Variants in PTPRD observed in about 807,000 individuals in gnomAD.
PTPRD encodes the protein receptor-type tyrosine-protein phosphatase delta.
In PTPRD, 34 loss-of-function variants were observed where a neutral mutation model predicts 214.5. That is an observed-to-expected ratio of 0.16 (90% CI 0.12 to 0.21). PTPRD has a LOEUF of 0.21. Ranked by LOEUF, PTPRD falls within the 10% of genes least tolerant of loss-of-function variation. The pLI is 1.00. For synonymous variants in PTPRD, 1,128 were observed against 845.7 expected (o/e 1.33, Z -5.79); for missense variants, 2,545 against 2,398.7 (o/e 1.06, Z -1.27).
intron 10 of PTPRD, among the ~76,000 whole-genome samples, chr9:9,123,892 T>C (rs1265952358): frequency 6.6e-6 from 1 of 152,076 alleles, no homozygotes; most frequent in Non-Finnish European, 1.5e-5. Flanking sequence ...GAAATCATGA[T>C]GTCATATCAG....
chr9:8,422,342 T>C (rs956394897), intron 35 of PTPRD, among the ~76,000 whole-genome samples: 4 of 152,072 alleles, frequency 2.6e-5, no homozygotes, highest in Non-Finnish European at 4.4e-5. Flanking sequence ...GGTTCTCACA[T>C]AGAAAAACAA....
intron 3 of PTPRD, among the ~76,000 whole-genome samples, chr9:10,101,839 A>G (rs2098554605): frequency 1.3e-5 from 2 of 151,798 alleles, no homozygotes; most frequent in East Asian, 3.9e-4. Context: ...ATTTGTAAAC[A>G]ATTGCAAATC....
intron 10 of PTPRD, among the ~76,000 whole-genome samples, chr9:9,164,136 T>G (rs2099896554): frequency 6.6e-6 from 1 of 152,172 alleles, no homozygotes; most frequent in African/African-American, 2.4e-5. Flanking sequence ...CAGCACAAAT[T>G]TATTATACTT....
At chr9:9,609,274 C>A (rs1375915368) in intron 7 of PTPRD, among the ~76,000 whole-genome samples, 1 of 152,094 alleles carries the variant, frequency 6.6e-6, no homozygotes, top group African/African-American at 2.4e-5. Flanking sequence ...GATTGATCAT[C>A]AATAAACCCG....
intron 11 of PTPRD, among the ~76,000 whole-genome samples, chr9:8,751,838 C>T (rs1000568374): frequency 6.6e-6 from 1 of 152,152 alleles, no homozygotes; most frequent in African/African-American, 2.4e-5. Flanking sequence ...TAAAACGAGA[C>T]AGTTTGTTAT....
At chr9:9,904,594 A>C (rs372900196) in intron 5 of PTPRD, among the ~76,000 whole-genome samples, 1 of 152,078 alleles carries the variant, frequency 6.6e-6, no homozygotes, top group Non-Finnish European at 1.5e-5. Context: ...CCACACCTAC[A>C]AAATAAGCAG....
chr9:9,254,269 T>C (rs1411526881), intron 9 of PTPRD, among the ~76,000 whole-genome samples: 3 of 152,016 alleles, frequency 2.0e-5, no homozygotes, highest in Admixed American at 6.6e-5. Flanking sequence ...AAAAATTTCC[T>C]TTTTGGACAA....
intron 11 of PTPRD, among the ~76,000 whole-genome samples, chr9:8,822,516 G>C (rs1273623900): frequency 2.0e-5 from 3 of 152,150 alleles, no homozygotes; most frequent in Non-Finnish European, 1.5e-5. Flanking sequence ...GGAAAGTTAA[G>C]GACATGGTTG....
At chr9:9,495,359 T>G (rs1489448667) in intron 8 of PTPRD, among the ~76,000 whole-genome samples, 1 of 150,260 alleles carries the variant, frequency 6.7e-6, no homozygotes, top group Admixed American at 6.6e-5. Context: ...AACCCAACAG[T>G]TTGAAACCTG....
intron 8 of PTPRD, among the ~76,000 whole-genome samples, chr9:9,507,288 A>T (rs2096592511): frequency 6.6e-6 from 1 of 151,262 alleles, no homozygotes; most frequent in African/African-American, 2.4e-5. Context: ...ACAAAATTGC[A>T]GAAACTGGGA....
chr9:8,527,307 T>C lies in PTPRD; in HGVS notation c.550+38A>G, dbSNP rs374241569. ...ATAATAATATTCTGGATATGGAAAT[T>C]AGTGGGGTTGAAGTGCGCTTCAGAA... On this transcript the variant is annotated intron_variant, in intron 16 of 45. Coordinates refer to ENST00000381196, the MANE Select transcript of PTPRD (RefSeq NM_002839.4). 83 of 1,591,858 alleles carry C rather than the reference T, an allele frequency of 5.2e-5. No individual in the cohort carries two copies. The African/African-American group carries it at 1.0e-3, about 19-fold the overall frequency.
chr9:10,568,364 C>A (rs2066340520), intron 2 of PTPRD, among the ~76,000 whole-genome samples: 1 of 151,980 alleles, frequency 6.6e-6, no homozygotes, highest in Non-Finnish European at 1.5e-5. Flanking sequence ...TCCAGTCTAT[C>A]ATTGTTGGAC....
chr9:9,857,624 A>G (rs1045213927), intron 5 of PTPRD, among the ~76,000 whole-genome samples: 1 of 152,216 alleles, frequency 6.6e-6, no homozygotes, highest in Non-Finnish European at 1.5e-5. Flanking sequence ...GAAGTTTTAC[A>G]TTTATATATT....
intron 2 of PTPRD, among the ~76,000 whole-genome samples, chr9:10,421,379 T>A (rs2098544291): frequency 6.6e-6 from 1 of 151,984 alleles, no homozygotes; most frequent in Non-Finnish European, 1.5e-5. Flanking sequence ...AACATTAGAT[T>A]AAATGGAGCA....
chr9:9,221,901 T>C (rs1319947791), intron 9 of PTPRD, among the ~76,000 whole-genome samples: 2 of 152,020 alleles, frequency 1.3e-5, no homozygotes. Flanking sequence ...TTATTAGAAA[T>C]ATAGACTCTG....
intron 11 of PTPRD, among the ~76,000 whole-genome samples, chr9:8,940,776 T>C (rs979452881): frequency 2.0e-5 from 3 of 151,422 alleles, no homozygotes; most frequent in African/African-American, 7.3e-5. Context: ...TTCAGTACTG[T>C]TCCTTGGGTA....
At chr9:10,403,846 AG>A (rs2154498973) in intron 2 of PTPRD, among the ~76,000 whole-genome samples, 1 of 151,810 alleles carries the variant, frequency 6.6e-6, no homozygotes, top group African/African-American at 2.4e-5. Flanking sequence ...ATTAGGACAA[AG>A]GGAAGGATGA....
At chr9:9,199,403 T>C (rs1483490215) in intron 9 of PTPRD, among the ~76,000 whole-genome samples, 2 of 152,210 alleles carry the variant, frequency 1.3e-5, no homozygotes, top group Admixed American at 6.5e-5. Context: ...GTATGCCCTA[T>C]GGTACACACC....
chr9:8,996,920 T>C (rs917352897), intron 11 of PTPRD, among the ~76,000 whole-genome samples: 1 of 152,114 alleles, frequency 6.6e-6, no homozygotes, highest in African/African-American at 2.4e-5. Flanking sequence ...ATTGGTTTTA[T>C]GATTCTATGT....
Sources: gnomAD v4.1 joint callset for allele counts (sites outside exome capture counted in the v4.1 genomes callset) on GRCh38, gnomAD v4.1.1 for gene constraint, MANE v1.5 for transcripts, NCBI Gene and HGNC (gene_info 2026-07-23, HGNC 2026-07-21) for gene names.